Variants in NAALADL2 observed in about 807,000 individuals in gnomAD.
The protein encoded by NAALADL2 is inactive N-acetylated-alpha-linked acidic dipeptidase-like protein 2.
NAALADL2 carries 76 observed loss-of-function variants against 87.2 expected under a neutral mutation model. The ratio of observed to expected loss-of-function variants is 0.87; its 90% CI spans 0.72 to 1.05. The LOEUF (loss-of-function observed/expected upper bound fraction) is 1.05, where lower values mean the gene tolerates loss of function less well. Ranked by LOEUF, NAALADL2 falls within the 50% of genes least tolerant of loss-of-function variation. The pLI, the probability that NAALADL2 is intolerant of heterozygous loss-of-function variation, is 0.00. For synonymous variants in NAALADL2, 354 were observed against 331.0 expected, an observed-to-expected ratio of 1.07 and a Z score of -0.75; for missense variants, 1,089 against 945.8, an observed-to-expected ratio of 1.15 and a Z score of -1.99.
intron 2 of NAALADL2, among the ~76,000 whole-genome samples, chr3:174,715,511 T>C (rs1450128668): frequency 6.6e-6 from 1 of 152,180 alleles, no homozygotes; most frequent in Non-Finnish European, 1.5e-5. Flanking sequence ...CCTGTTTAAA[T>C]ATGGATAGGC....
intron 5 of NAALADL2, among the ~76,000 whole-genome samples, chr3:175,359,230 T>A (rs1278157945): frequency 6.6e-6 from 1 of 152,098 alleles, no homozygotes; most frequent in Non-Finnish European, 1.5e-5. Context: ...TTAAAATAAT[T>A]AGTTAACAAT....
intron 1 of NAALADL2, among the ~76,000 whole-genome samples, chr3:175,075,241 C>T (rs1473393683): frequency 6.6e-6 from 1 of 151,934 alleles, no homozygotes; most frequent in African/African-American, 2.4e-5. Flanking sequence ...GTAACGTATG[C>T]TATTATTTTG....
At position 175,573,296 on chromosome 3, in the gene NAALADL2, C is replaced by A. The variant is rs779737760; in HGVS notation, c.1654-2745C>A. ...GCTTTTGCTGTCTTGAAAAGACATA[C>A]ATGTTACTTCATTAAAGAGAAAGTA... On this transcript the variant is annotated intron_variant, in intron 9 of 13. Transcript: ENST00000454872. Among the ~76,000 whole-genome samples, 5 of 152,156 alleles carry A rather than the reference C, an allele frequency of 3.3e-5. No homozygotes were observed. The South Asian group carries it at 1.0e-3, about 32-fold the overall frequency.
At chr3:175,304,164 G>GA (rs1480376030) in intron 4 of NAALADL2, among the ~76,000 whole-genome samples, 1 of 152,170 alleles carries the variant, frequency 6.6e-6, no homozygotes, top group African/African-American at 2.4e-5. Context: ...CAAGAGAAAA[G>GA]AGAAAGGGAA....
At chr3:174,964,338 G>C (rs999156964) in intron 1 of NAALADL2, among the ~76,000 whole-genome samples, 3 of 152,020 alleles carry the variant, frequency 2.0e-5, no homozygotes, top group Admixed American at 6.6e-5. Flanking sequence ...AAGCCTAACA[G>C]ATATCTACAT....
rs115074652 is a variant in NAALADL2, at chr3:174,983,910, T to G, written c.44-112880T>G. Among the ~76,000 whole-genome samples, 430 of 152,254 alleles carry G rather than the reference T, an allele frequency of 2.8e-3. 3 individuals carry two copies. The highest frequency in any genetic ancestry group is 0.01 in the African/African-American group (417 of 41,564). On this transcript the variant is annotated intron_variant, in intron 1 of 13. Transcript: ENST00000454872. The stretch of plus-strand genomic sequence containing the variant: ...AGCAAGGCCCAAAGATGTCAAAATA[T>G]AAAAACATACACAAAATAAAAAACT...
At chr3:175,087,631 C>T (rs556037584) in intron 1 of NAALADL2, among the ~76,000 whole-genome samples, 11 of 152,278 alleles carry the variant, frequency 7.2e-5, no homozygotes, top group African/African-American at 2.2e-4. Context: ...CTCTCTGAAA[C>T]ATGTGCTGTG....
chr3:175,741,702 G>A (rs547344530), intron 12 of NAALADL2, among the ~76,000 whole-genome samples: 2 of 151,938 alleles, frequency 1.3e-5, no homozygotes, highest in Non-Finnish European at 2.9e-5. Flanking sequence ...CATAATTTTT[G>A]ATTTTTTCCA....
intron 2 of NAALADL2, among the ~76,000 whole-genome samples, chr3:175,168,602 A>T (rs1169021995): frequency 6.6e-6 from 1 of 151,478 alleles, no homozygotes; most frequent in Non-Finnish European, 1.5e-5. Context: ...TTCATATTCA[A>T]TTCTAAATTA....
chr3:174,859,767 T>G (rs912358726), intron 1 of NAALADL2, among the ~76,000 whole-genome samples: 3 of 152,150 alleles, frequency 2.0e-5, no homozygotes, highest in Non-Finnish European at 4.4e-5. Context: ...TATAACCAAC[T>G]TCCAGTGCAT....
At chr3:175,679,006 G>T (rs1735225870) in intron 11 of NAALADL2, among the ~76,000 whole-genome samples, 1 of 151,526 alleles carries the variant, frequency 6.6e-6, no homozygotes, top group South Asian at 2.1e-4. Flanking sequence ...GTAGGTAAAG[G>T]AAAATTCAGT....
At chr3:175,268,854 G>A (rs1752371132) in intron 4 of NAALADL2, among the ~76,000 whole-genome samples, 2 of 152,036 alleles carry the variant, frequency 1.3e-5, no homozygotes, top group Admixed American at 1.3e-4. Flanking sequence ...AACATGCATG[G>A]AGCTGTCATC....
intron 3 of NAALADL2, among the ~76,000 whole-genome samples, chr3:174,760,050 T>C (rs1488071738): frequency 1.3e-5 from 2 of 152,214 alleles, no homozygotes. Flanking sequence ...AACATTCTCA[T>C]GGATCTTATT....
At chr3:174,918,696 G>A (rs533294016) in intron 1 of NAALADL2, among the ~76,000 whole-genome samples, 27 of 152,230 alleles carry the variant, frequency 1.8e-4, no homozygotes, top group South Asian at 1.4e-3. Flanking sequence ...CACAAAAGTC[G>A]TTTCAGAACT....
intron 2 of NAALADL2, among the ~76,000 whole-genome samples, chr3:174,694,762 A>C (rs1427939933): frequency 6.6e-6 from 1 of 152,086 alleles, no homozygotes; most frequent in African/African-American, 2.4e-5. Flanking sequence ...TATTCCACAA[A>C]GTATTTTTAG....
chr3:175,634,716 A>T (rs1425733158), intron 11 of NAALADL2, among the ~76,000 whole-genome samples: 1 of 152,006 alleles, frequency 6.6e-6, no homozygotes, highest in African/African-American at 2.4e-5. Flanking sequence ...TGAATAAAAT[A>T]TGAAAATATT....
At chr3:174,500,313 A>G (rs573675806) in intron 1 of NAALADL2, among the ~76,000 whole-genome samples, 109 of 152,156 alleles carry the variant, frequency 7.2e-4, no homozygotes, top group Admixed American at 7.1e-3. Context: ...TGTAATAGCC[A>G]TTTTTTGTAA....
At chr3:174,924,128 T>C (rs1443677903) in intron 1 of NAALADL2, among the ~76,000 whole-genome samples, 1 of 152,086 alleles carries the variant, frequency 6.6e-6, no homozygotes, top group African/African-American at 2.4e-5. Flanking sequence ...TTATTACATA[T>C]GTATACGTGT....
At chr3:175,011,280 C>CAG (rs139229550) in intron 1 of NAALADL2, among the ~76,000 whole-genome samples, 2,836 of 113,462 alleles carry the variant, frequency 0.025, 32 homozygotes, top group South Asian at 0.029. Flanking sequence ...GACAGAGAGA[C>CAG]AGAGAGAGAG....
Sources: allele counts gnomAD v4.1 joint callset (sites outside exome capture counted in the v4.1 genomes callset), GRCh38; gene constraint gnomAD v4.1.1; transcripts MANE v1.5; gene names NCBI Gene and HGNC (gene_info 2026-07-23, HGNC 2026-07-21).